PTPRD: variants seen among roughly 807,000 people sequenced by gnomAD.
The protein encoded by PTPRD is receptor-type tyrosine-protein phosphatase delta.
Under a neutral mutation model 214.5 loss-of-function variants are expected in PTPRD, and 34 were observed. The observed-to-expected ratio is 0.16, with a 90% CI of 0.12 to 0.21. PTPRD has a LOEUF of 0.21. Among genes scored for constraint, PTPRD ranks in the 10% least tolerant of loss-of-function variants. The pLI is 1.00. For missense variants in PTPRD, 2,545 were observed against 2,398.7 expected (o/e 1.06, Z -1.27); for synonymous variants, 1,128 against 845.7 (o/e 1.33, Z -5.79).
rs373150972 is a variant in PTPRD at position 9,426,785 on chromosome 9, C to T, written c.-236-29303G>A. 1.8e-3 allele frequency among the ~76,000 whole-genome samples: 270 copies of T among 152,248 alleles called. 3 individuals are homozygous for T. The South Asian group carries it at 0.052, about 30-fold the overall frequency. ...TTCTGCACCCTCCGCTGGTGATACC[C>T]AGGCAAACAGGGACTGGAGTGGACC... On this transcript the variant is annotated intron_variant, in intron 8 of 45. Coordinates refer to ENST00000381196, the MANE Select transcript of PTPRD (RefSeq NM_002839.4).
At chr9:9,079,207 TC>T (rs2099755519) in intron 10 of PTPRD, among the ~76,000 whole-genome samples, 2 of 152,038 alleles carry the variant, frequency 1.3e-5, no homozygotes, top group South Asian at 4.1e-4. Flanking sequence ...ATTCCTCCTT[TC>T]CCCCACCCTT....
chr9:8,702,996 G>A (rs574351612), intron 12 of PTPRD, among the ~76,000 whole-genome samples: 3 of 152,318 alleles, frequency 2.0e-5, no homozygotes, highest in African/African-American at 4.8e-5. Flanking sequence ...TGGATTGACT[G>A]GAGAAGTTTG....
At chr9:10,058,503 C>T (rs1342211551) in intron 3 of PTPRD, among the ~76,000 whole-genome samples, 1 of 152,068 alleles carries the variant, frequency 6.6e-6, no homozygotes, top group African/African-American at 2.4e-5. Context: ...CCCAAATAAA[C>T]TCTCTACTTA....
chr9:9,355,920 T>C (rs544499011), intron 9 of PTPRD, among the ~76,000 whole-genome samples: 22 of 150,520 alleles, frequency 1.5e-4, no homozygotes, highest in African/African-American at 4.9e-4. Context: ...AATAGAAAAA[T>C]GATTAAAGAG....
rs71317383 is a variant in PTPRD at position 8,933,340 on chromosome 9, G to GTTTT, written c.-104+85353_-104+85356dup. ...CCATCTTGCCAGCCACAACCTTGAG[G>GTTTT]TTTTTTTTTTTTTTTTTTTTTTTAC... is the stretch of plus-strand genomic sequence containing the variant. On this transcript the variant is annotated intron_variant, in intron 11 of 45. Coordinates refer to ENST00000381196, the MANE Select transcript of PTPRD (RefSeq NM_002839.4). Among the ~76,000 whole-genome samples the GTTTT allele has an allele frequency of 7.5e-3, 605 of 80,380 alleles. 63 individuals are homozygous for GTTTT. Among genetic ancestry groups the GTTTT allele is most frequent in the Non-Finnish European group, 9.3e-3 (406 of 43,538 alleles). The allele number at this position is 80,380 out of a possible 152,430, so 52.7% of individuals were successfully genotyped here.
intron 14 of PTPRD, among the ~76,000 whole-genome samples, chr9:8,612,622 G>A (rs191101925): frequency 1.4e-4 from 21 of 152,274 alleles, no homozygotes; most frequent in African/African-American, 3.4e-4. Flanking sequence ...CACATGCTTC[G>A]AACTTGGACA....
intron 11 of PTPRD, among the ~76,000 whole-genome samples, chr9:9,009,023 A>C (rs887621360): frequency 6.6e-6 from 1 of 152,158 alleles, no homozygotes; most frequent in Non-Finnish European, 1.5e-5. Context: ...GATGAAATCT[A>C]TTTGAAAGAC....
intron 11 of PTPRD, among the ~76,000 whole-genome samples, chr9:8,998,838 T>A (rs996777660): frequency 6.6e-6 from 1 of 152,014 alleles, no homozygotes; most frequent in South Asian, 2.1e-4. Context: ...TGAAAGTTAA[T>A]GGAATTTGGA....
At chr9:8,351,027 G>A (rs1373230852) in intron 39 of PTPRD, among the ~76,000 whole-genome samples, 2 of 152,128 alleles carry the variant, frequency 1.3e-5, no homozygotes. Context: ...AGATTTTATT[G>A]TAGCATTGTT....
intron 2 of PTPRD, among the ~76,000 whole-genome samples, chr9:10,572,433 T>C (rs17203683): frequency 0.088 from 13,430 of 152,206 alleles, 717 homozygotes; most frequent in Middle Eastern, 0.14. Context: ...CATCTCAATA[T>C]CACACTTTGA....
intron 5 of PTPRD, among the ~76,000 whole-genome samples, chr9:9,905,105 C>T (rs1167375522): frequency 6.6e-6 from 1 of 151,994 alleles, no homozygotes; most frequent in Non-Finnish European, 1.5e-5. Flanking sequence ...CTAAGTAACT[C>T]ACCTTCCCAT....
chr9:8,546,641 G>A (rs2080250840), intron 14 of PTPRD, among the ~76,000 whole-genome samples: 1 of 152,030 alleles, frequency 6.6e-6, no homozygotes. Context: ...TGGGATTACA[G>A]GCGTGCGCCA....
chr9:8,483,994 C>G (rs1225473620), intron 30 of PTPRD, 125 bp downstream of exon 30: 2 of 1,258,954 alleles, frequency 1.6e-6, no homozygotes, highest in Non-Finnish European at 2.2e-6. Flanking sequence ...AACTGGGAGT[C>G]TGAGCAGAAG....
chr9:10,270,443 G>T (rs1167058753), intron 3 of PTPRD, among the ~76,000 whole-genome samples: 1 of 152,146 alleles, frequency 6.6e-6, no homozygotes, highest in Non-Finnish European at 1.5e-5. Context: ...GAGACTTGTT[G>T]TATATATTTT....
chr9:10,445,568 T>C (rs949544969), intron 2 of PTPRD, among the ~76,000 whole-genome samples: 3 of 151,984 alleles, frequency 2.0e-5, no homozygotes, highest in African/African-American at 4.8e-5. Context: ...CAGTTACAAA[T>C]TGGGTAGAAG....
chr9:9,299,836 TC>T (rs1220437120), intron 9 of PTPRD, among the ~76,000 whole-genome samples: 2 of 151,406 alleles, frequency 1.3e-5, no homozygotes, highest in Non-Finnish European at 3.0e-5. Context: ...GAAACCAAAG[TC>T]TTTATGTTCT....
chr9:10,231,289 A>G (rs975613620), intron 3 of PTPRD, among the ~76,000 whole-genome samples: 2 of 151,992 alleles, frequency 1.3e-5, no homozygotes, highest in Middle Eastern at 3.4e-3. Flanking sequence ...CTGATAGCAC[A>G]TGGAATAGAG....
intron 5 of PTPRD, among the ~76,000 whole-genome samples, chr9:9,929,597 T>C (rs1290787116): frequency 6.6e-6 from 1 of 152,276 alleles, no homozygotes; most frequent in African/African-American, 2.4e-5. Flanking sequence ...TTTCACCATG[T>C]TGGCCAGGAT....
chr9:9,084,421 G>C (rs1213952728), intron 10 of PTPRD, among the ~76,000 whole-genome samples: 2 of 152,154 alleles, frequency 1.3e-5, no homozygotes, highest in Admixed American at 1.3e-4. Context: ...GGGGTCTAGG[G>C]AGGGATAGTA....
Sources: allele counts gnomAD v4.1 joint callset (sites outside exome capture counted in the v4.1 genomes callset), GRCh38; gene constraint gnomAD v4.1.1; transcripts MANE v1.5; gene names NCBI Gene and HGNC (gene_info 2026-07-23, HGNC 2026-07-21).